The following SCARA3 variants were observed in gnomAD, a reference collection of about 807,000 sequenced individuals.
The protein encoded by SCARA3 is scavenger receptor class A member 3.
In SCARA3, 39 loss-of-function variants were observed where a neutral mutation model predicts 47.0. The observed-to-expected ratio is 0.83, with a 90% confidence interval of 0.64 to 1.08. The LOEUF (loss-of-function observed/expected upper bound fraction) is 1.08. Among genes scored for constraint, SCARA3 ranks in the 50% least tolerant of loss-of-function variants. The pLI is 0.00. For missense variants in SCARA3, 724 were observed against 792.3 expected (o/e 0.91, Z 1.04); for synonymous variants, 356 against 334.1 (o/e 1.07, Z -0.71).
the SCARA3 span, among the ~76,000 whole-genome samples, chr8:27,699,677 C>T: frequency 6.6e-6 from 1 of 152,026 alleles, no homozygotes; most frequent in Non-Finnish European, 1.5e-5. Flanking sequence ...ACCTGCAATC[C>T]CAGCACTTTG....
intron 1 of SCARA3, among the ~76,000 whole-genome samples, chr8:27,638,993 T>A (rs904189056): frequency 3.3e-5 from 5 of 152,172 alleles, no homozygotes; most frequent in Admixed American, 2.6e-4. Context: ...ATGTGGGAGC[T>A]GGCAAATCTG....
intron 5 of SCARA3, among the ~76,000 whole-genome samples, chr8:27,667,995 G>A (rs1802055759): frequency 6.6e-6 from 1 of 152,228 alleles, no homozygotes; most frequent in Non-Finnish European, 1.5e-5. Context: ...TGGCTTAGGG[G>A]TGGATATAGA....
downstream of SCARA3, among the ~76,000 whole-genome samples, chr8:27,677,429 A>G (rs917190095): frequency 2.6e-5 from 4 of 152,200 alleles, no homozygotes; most frequent in Non-Finnish European, 4.4e-5. Flanking sequence ...TCTATGGGGA[A>G]TCTGTGAGCT....
chr8:27,682,804 T>A, the SCARA3 span, among the ~76,000 whole-genome samples: 2 of 152,210 alleles, frequency 1.3e-5, no homozygotes, highest in East Asian at 3.8e-4. Context: ...GTTTTTTTCT[T>A]TAGTTTTCCT....
At chr8:27,714,839 T>C in the SCARA3 span, among the ~76,000 whole-genome samples, 10 of 152,216 alleles carry the variant, frequency 6.6e-5, no homozygotes, top group Non-Finnish European at 1.3e-4. Context: ...TTACATATCA[T>C]GTATACATAC....
the SCARA3 span, among the ~76,000 whole-genome samples, chr8:27,710,229 CA>C: frequency 0.38 from 39,568 of 104,970 alleles, 4,721 homozygotes; most frequent in Middle Eastern, 0.56. Flanking sequence ...GACTCCGTCT[CA>C]AAAAAAAAAA....
chr8:27,725,949 G>A, the SCARA3 span, among the ~76,000 whole-genome samples: 1 of 152,162 alleles, frequency 6.6e-6, no homozygotes, highest in South Asian at 2.1e-4. Flanking sequence ...GTACTGTGTG[G>A]CTCCAGAGGA....
chr8:27,677,989 T>A (rs1802303987), downstream of SCARA3, among the ~76,000 whole-genome samples: 1 of 152,194 alleles, frequency 6.6e-6, no homozygotes, highest in Non-Finnish European at 1.5e-5. Context: ...AGAAAATATT[T>A]TGAACTTCAT....
chr8:27,666,125 G>A lies in SCARA3; in HGVS notation c.1370-4775G>A, dbSNP rs34052865. Among the ~76,000 whole-genome samples the A allele has an allele frequency of 1.5e-3, 228 of 152,322 alleles. 1 individual carries two copies. Among genetic ancestry groups the A allele is most frequent in the African/African-American group, 5.3e-3 (220 of 41,564 alleles). ...TGTTCAGGCCCAACGAGTTACCTGC[G>A]GAGGTGGCAGTGAAGAGGGTTTGGT... On this transcript the variant is annotated intron_variant, in intron 5 of 5. Coordinates refer to ENST00000301904, the MANE Select transcript of SCARA3 (RefSeq NM_016240.3).
intron 5 of SCARA3, among the ~76,000 whole-genome samples, chr8:27,663,210 C>T (rs1268705631): frequency 6.6e-6 from 1 of 152,246 alleles, no homozygotes; most frequent in Non-Finnish European, 1.5e-5. Context: ...CTTTATCTTT[C>T]CCACTGTCCT....
chr8:27,732,312 TG>T, the SCARA3 span, among the ~76,000 whole-genome samples: 1 of 152,070 alleles, frequency 6.6e-6, no homozygotes, highest in Non-Finnish European at 1.5e-5. Context: ...ATTTCTAGAG[TG>T]AGCAATGATT....
the SCARA3 span, among the ~76,000 whole-genome samples, chr8:27,731,114 T>A: frequency 1.3e-5 from 2 of 148,498 alleles, no homozygotes; most frequent in African/African-American, 2.5e-5. Context: ...TTTTTTTTTT[T>A]AAATAGAGAC....
chr8:27,660,508 GGATAGA>G (rs1432551300), intron 5 of SCARA3, among the ~76,000 whole-genome samples: 1 of 149,098 alleles, frequency 6.7e-6, no homozygotes, highest in Non-Finnish European at 1.5e-5. Context: ...TAGATAGATA[GGATAGA>G]GATAAAGAGA....
At position 27,671,658 on chromosome 8, in the gene SCARA3, GCACA is replaced by G. The variant is rs5890376; in HGVS notation, c.*314_*317del. On this transcript the variant is annotated 3_prime_UTR_variant, in exon 6 of 6. Coordinates refer to ENST00000301904, the MANE Select transcript of SCARA3 (RefSeq NM_016240.3). ...TACATGCATGCACACACACATGCAC[GCACA>G]CACACATGCACACATACACGTGCAC... 5.4e-6 allele frequency: 6 copies of G among 1,116,506 alleles called. No homozygotes were observed. The highest frequency in any genetic ancestry group is 6.6e-6 in the Non-Finnish European group (6 of 913,626). 69.2% of individuals were successfully genotyped at this position (1,116,506 alleles called of 1,614,324 possible).
At chr8:27,705,272 G>A in the SCARA3 span, among the ~76,000 whole-genome samples, 1 of 152,222 alleles carries the variant, frequency 6.6e-6, no homozygotes, top group African/African-American at 2.4e-5. Context: ...CTCCCTCCAG[G>A]GCTGGGGTCT....
chr8:27,710,705 AT>A, the SCARA3 span, among the ~76,000 whole-genome samples: 1 of 152,046 alleles, frequency 6.6e-6, no homozygotes, highest in African/African-American at 2.4e-5. Context: ...GTCTCTTTAA[AT>A]TTGTAGGTTT....
the SCARA3 span, among the ~76,000 whole-genome samples, chr8:27,692,419 CAAA>C: frequency 4.7e-5 from 6 of 127,782 alleles, no homozygotes; most frequent in Admixed American, 7.6e-5. Flanking sequence ...AACCCTATCT[CAAA>C]AAAAAAAAAA....
chr8:27,718,354 G>T, the SCARA3 span, among the ~76,000 whole-genome samples: 12 of 152,258 alleles, frequency 7.9e-5, no homozygotes, highest in African/African-American at 2.7e-4. Flanking sequence ...ATGATCAGGT[G>T]TCTCGTGAAC....
the SCARA3 span, among the ~76,000 whole-genome samples, chr8:27,717,278 A>G: frequency 6.6e-6 from 1 of 152,218 alleles, no homozygotes; most frequent in Admixed American, 6.5e-5. Context: ...AGATACAGAT[A>G]CAGATGTGGG....
Sources: gnomAD v4.1 joint callset for allele counts (sites outside exome capture counted in the v4.1 genomes callset) on GRCh38, gnomAD v4.1.1 for gene constraint, MANE v1.5 for transcripts, NCBI Gene and HGNC (gene_info 2026-07-23, HGNC 2026-07-21) for gene names.